Variants in NOX4 observed in about 807,000 individuals in gnomAD.
NOX4 encodes NADPH oxidase 4.
NOX4 carries 69 observed loss-of-function variants against 87.6 expected under a neutral mutation model. That is an observed-to-expected ratio of 0.79 (90% CI 0.65 to 0.96). The LOEUF is 0.96. Among genes scored for constraint, NOX4 ranks in the 40% least tolerant of loss-of-function variants. The probability of loss-of-function intolerance (pLI) is 0.00; values close to 1 mark genes in which losing one functional copy is unlikely to be tolerated. For missense variants in NOX4, 680 were observed against 681.5 expected (o/e 1.00, Z 0.02); for synonymous variants, 275 against 238.2 (o/e 1.15, Z -1.42).
At chr11:89,473,789 T>C (rs568150078) in intron 2 of NOX4, among the ~76,000 whole-genome samples, 3 of 152,206 alleles carry the variant, frequency 2.0e-5, no homozygotes, top group Admixed American at 1.3e-4. Context: ...AACTTTTGAA[T>C]GAAGTCGACT....
intron 8 of NOX4, among the ~76,000 whole-genome samples, chr11:89,407,673 T>C (rs1469377605): frequency 6.6e-6 from 1 of 152,058 alleles, no homozygotes; most frequent in Non-Finnish European, 1.5e-5. Context: ...TGTTTCTTTC[T>C]TTTTAATACC....
At chr11:89,557,223 A>G in the NOX4 span, 5 of 152,186 alleles carry the variant, frequency 3.3e-5, no homozygotes, top group Non-Finnish European at 2.9e-5. Context: ...CTGTGTGGCA[A>G]TACAAAAGCC....
chr11:89,464,580 TA>T (rs1278753304), intron 2 of NOX4, among the ~76,000 whole-genome samples: 2 of 152,182 alleles, frequency 1.3e-5, no homozygotes, highest in Admixed American at 6.5e-5. Context: ...TGTTTATTTT[TA>T]AAAAATGACT....
At chr11:89,571,328 C>T in the NOX4 span, among the ~76,000 whole-genome samples, 13 of 147,808 alleles carry the variant, frequency 8.8e-5, no homozygotes, top group South Asian at 2.1e-4. Context: ...TTTTTCGAGA[C>T]GGAGTCTTAC....
intron 2 of NOX4, among the ~76,000 whole-genome samples, chr11:89,478,375 C>G (rs551522679): frequency 6.6e-6 from 1 of 152,232 alleles, no homozygotes; most frequent in Non-Finnish European, 1.5e-5. Context: ...TTTAATAAAT[C>G]ATTTACAGGT....
At chr11:89,427,549 C>A (rs1467537204) in intron 7 of NOX4, among the ~76,000 whole-genome samples, 2 of 152,140 alleles carry the variant, frequency 1.3e-5, no homozygotes, top group Admixed American at 6.6e-5. Context: ...GAGCTGAAAA[C>A]CATGGCACGA....
At chr11:89,563,976 A>C in the NOX4 span, among the ~76,000 whole-genome samples, 10 of 152,148 alleles carry the variant, frequency 6.6e-5, no homozygotes, top group African/African-American at 2.2e-4. Flanking sequence ...TCTTCTAATG[A>C]CATTCTGATT....
At chr11:89,497,080 C>T (rs1391528262), upstream of NOX4, among the ~76,000 whole-genome samples, 1 of 152,134 alleles carries the variant, frequency 6.6e-6, no homozygotes, top group Admixed American at 6.5e-5. Flanking sequence ...TGCTTAAGGC[C>T]ACAAATGCAG....
At chr11:89,482,199 G>T (rs1353953033) in intron 2 of NOX4, among the ~76,000 whole-genome samples, 3 of 151,966 alleles carry the variant, frequency 2.0e-5, no homozygotes, top group African/African-American at 7.2e-5. Flanking sequence ...AAAAAGGCCT[G>T]GGAAGGACCC....
At chr11:89,416,259 A>G (rs570744547) in intron 8 of NOX4, among the ~76,000 whole-genome samples, 2 of 152,138 alleles carry the variant, frequency 1.3e-5, no homozygotes, top group Non-Finnish European at 2.9e-5. Context: ...GAAAGTAAAA[A>G]TTTTCTCCCT....
At chr11:89,430,874 CA>C (rs1425416189) in intron 7 of NOX4, among the ~76,000 whole-genome samples, 1 of 151,944 alleles carries the variant, frequency 6.6e-6, no homozygotes, top group Non-Finnish European at 1.5e-5. Flanking sequence ...CATATGGAAC[CA>C]AAAAAGAGCC....
the NOX4 span, among the ~76,000 whole-genome samples, chr11:89,514,734 GT>G: frequency 6.6e-6 from 1 of 151,990 alleles, no homozygotes; most frequent in African/African-American, 2.4e-5. Flanking sequence ...TGATGATCAT[GT>G]TTTTTGTTCT....
At chr11:89,348,317 A>G (rs996081560) in intron 13 of NOX4, among the ~76,000 whole-genome samples, 2 of 152,114 alleles carry the variant, frequency 1.3e-5, no homozygotes, top group Admixed American at 6.6e-5. Context: ...TGGGAGGCTG[A>G]GGCACGAAAA....
intron 11 of NOX4, among the ~76,000 whole-genome samples, chr11:89,379,370 A>G (rs1440173151): frequency 6.6e-6 from 1 of 151,072 alleles, no homozygotes; most frequent in Non-Finnish European, 1.5e-5. Flanking sequence ...GGGGCTCATC[A>G]TTAAAAAAAA....
the NOX4 span, among the ~76,000 whole-genome samples, chr11:89,587,533 C>A: frequency 6.6e-6 from 1 of 151,854 alleles, no homozygotes; most frequent in Admixed American, 6.6e-5. Flanking sequence ...ACTACCAGGG[C>A]ATAGAGGTGC....
chr11:89,457,951 A>T (rs772693409), intron 2 of NOX4, among the ~76,000 whole-genome samples: 1 of 152,258 alleles, frequency 6.6e-6, no homozygotes, highest in Non-Finnish European at 1.5e-5. Context: ...ATAAATGGGA[A>T]GAATCATTAT....
In NOX4 at chr11:89,340,106, G is replaced by C. The variant is rs778769034; in HGVS notation, c.1403C>G (p.Ser468Cys). The C allele has an allele frequency of 1.3e-6, 2 of 1,578,672 alleles. No individual in the cohort carries two copies. Among genetic ancestry groups the C allele is most frequent in the Non-Finnish European group, 1.7e-6 (2 of 1,168,374 alleles). The change falls in exon 15 of 18, where the codon TCC (serine) becomes TGC (cysteine). Residue 468 changes from serine to cysteine, a missense_variant. Transcript: ENST00000263317. ...GAGTAAATCTGCAAACCAACGGAAG[G>C]ACTGGATATCTCTGCATACCCAAAT... ...YFIWVCRDIQ[S>C]FRWFADLLCM...
chr11:89,439,434 A>G (rs1944362184), intron 6 of NOX4, among the ~76,000 whole-genome samples: 1 of 152,134 alleles, frequency 6.6e-6, no homozygotes, highest in Non-Finnish European at 1.5e-5. Flanking sequence ...CTATAGACAA[A>G]AGTAAAATGT....
upstream of NOX4, among the ~76,000 whole-genome samples, chr11:89,496,077 C>A (rs1293863432): frequency 6.6e-6 from 1 of 152,128 alleles, no homozygotes; most frequent in Non-Finnish European, 1.5e-5. Flanking sequence ...ATGAAAGGCC[C>A]ACCAGGGAGC....
Sources: allele counts gnomAD v4.1 joint callset (sites outside exome capture counted in the v4.1 genomes callset), GRCh38; gene constraint gnomAD v4.1.1; transcripts MANE v1.5; gene names NCBI Gene and HGNC (gene_info 2026-07-23, HGNC 2026-07-21).